The following PIK3R5 variants were observed in gnomAD, a reference collection of about 807,000 sequenced individuals.
PIK3R5 encodes the protein phosphoinositide-3-kinase regulatory subunit 5, also known as phosphoinositide 3-kinase regulatory subunit 5.
In PIK3R5, 32 loss-of-function variants were observed where a neutral mutation model predicts 94.9. The ratio of observed to expected loss-of-function variants is 0.34; its 90% CI spans 0.25 to 0.45. PIK3R5 has a LOEUF of 0.45. PIK3R5 is among the 20% of genes least tolerant of loss of function. PIK3R5 has a pLI of 1.00. For synonymous variants in PIK3R5, 443 were observed against 479.4 expected, an observed-to-expected ratio of 0.92 and a Z score of 0.99; for missense variants, 853 against 1,144.6, an observed-to-expected ratio of 0.75 and a Z score of 3.68.
chr17:8,965,452 G>C (rs1415383601), intron 1 of PIK3R5, 144 bp downstream of exon 1: 2 of 152,510 alleles, frequency 1.3e-5, no homozygotes, highest in African/African-American at 4.8e-5. Context: ...CACGGGGCCG[G>C]AAGATAGCAG....
At chr17:8,919,676 C>T (rs959335696) in intron 1 of PIK3R5, among the ~76,000 whole-genome samples, 5 of 152,194 alleles carry the variant, frequency 3.3e-5, no homozygotes, top group African/African-American at 1.2e-4. Context: ...GTGTTGGTGT[C>T]ACCTAAAAGG....
Position 8,893,086 on chromosome 17 carries a change from T to TGTGTGTGTG in PIK3R5, c.482+499_482+500insCACACACAC, listed in dbSNP as rs1567639751. 3.8e-5 allele frequency among the ~76,000 whole-genome samples: 3 copies of TGTGTGTGTG among 78,970 alleles called. No homozygotes were observed. The highest frequency in any genetic ancestry group is 2.4e-4 in the African/African-American group (3 of 12,472). The allele number at this position is 78,970 out of a possible 152,430, so 51.8% of individuals were successfully genotyped here. A position where few individuals can be genotyped will look rare whatever the true frequency, so the allele number is the denominator to read the frequency against. On this transcript the variant is annotated intron_variant, in intron 6 of 18. Coordinates refer to ENST00000447110, the MANE Select transcript of PIK3R5 (RefSeq NM_001142633.3). This position sits in a 1 kb window ranked among gnomAD's most constrained non-coding sequence, Gnocchi z 5.1. The stretch of plus-strand genomic sequence containing the variant: ...TGTGTGTGTGTGTGTGTGTGTGTGT[T>TGTGTGTGTG]TGTGTATCAGGCTGTCATATAAAAT...
chr17:8,880,722 G>A lies in PIK3R5; in HGVS notation c.2560C>T (p.Pro854Ser). ...GGTGCGGCCTGGGCCGGCAGGTCAG[G>A]AGGCGTCTGGGGTGGTGAGGAGAGG... ...SDLSSPPQTPPDLPAQAAPDL... is the reference protein window; with the variant it reads ...SDLSSPPQTPSDLPAQAAPDL... The change falls in exon 19 of 19, where the codon CCT becomes TCT. Residue 854 changes from proline (P) to serine (S), a missense_variant. By Grantham distance (74) the Pro-to-Ser change is moderately conservative. Transcript: ENST00000447110. 4.3e-6 allele frequency: 7 copies of A among 1,613,958 alleles called. No individual in the cohort carries two copies. The highest frequency in any genetic ancestry group is 5.9e-6 in the Non-Finnish European group (7 of 1,179,912).
chr17:8,930,646 C>T (rs1481579199), intron 1 of PIK3R5, among the ~76,000 whole-genome samples: 8 of 152,154 alleles, frequency 5.3e-5, no homozygotes, highest in African/African-American at 1.7e-4. Context: ...GAATATGGTT[C>T]GACAGACTAT....
intron 1 of PIK3R5, among the ~76,000 whole-genome samples, chr17:8,926,501 G>A (rs566370989): frequency 1.3e-5 from 2 of 152,184 alleles, no homozygotes; most frequent in East Asian, 1.9e-4. Context: ...AGTTCCACAC[G>A]GCTAGGGAGG....
Position 8,892,680 on chromosome 17 carries a change from T to C in PIK3R5, c.482+906A>G, listed in dbSNP as rs983975599. Among the ~76,000 whole-genome samples the C allele has an allele frequency of 5.9e-5, 9 of 152,210 alleles. No homozygotes were observed. Among genetic ancestry groups the C allele is most frequent in the Non-Finnish European group, 1.3e-4 (9 of 68,042 alleles). ...AACATTTTAGCATCCTTTCCCTCTG[T>C]CTCAACATCTATCATTTTGTTTGTG... On this transcript the variant is annotated intron_variant, in intron 6 of 18. Transcript: ENST00000447110. This position sits in a 1 kb window ranked among gnomAD's most constrained non-coding sequence, Gnocchi z 4.3.
At chr17:8,902,400 G>A (rs1597389316) in intron 5 of PIK3R5, among the ~76,000 whole-genome samples, 1 of 151,700 alleles carries the variant, frequency 6.6e-6, no homozygotes, top group East Asian at 1.9e-4. Context: ...GACTACAGGT[G>A]TATGCCACCA....
Position 8,942,395 on chromosome 17 carries a change from C to T in PIK3R5, c.-14+23201G>A, listed in dbSNP as rs114082581. On this transcript the variant is annotated intron_variant, in intron 1 of 18. Transcript: ENST00000447110. ...ACCCATAGTCGGAGCCTCCTTGCAGCTCCTGCCCCCACTGCTGCCTCACCC... is the reference window on the plus strand; with the variant it reads ...ACCCATAGTCGGAGCCTCCTTGCAGTTCCTGCCCCCACTGCTGCCTCACCC... Among the ~76,000 whole-genome samples the T allele has an allele frequency of 1.8e-3, 281 of 152,176 alleles. 1 individual carries two copies. Among genetic ancestry groups the T allele is most frequent in the African/African-American group, 6.5e-3 (270 of 41,504 alleles).
chr17:8,893,709 C>T lies in PIK3R5; in HGVS notation c.413-54G>A. 7.3e-7 allele frequency: 1 copy of T among 1,378,764 alleles called. No homozygotes were observed. The allele number at this position is 1,378,764 out of a possible 1,614,324, so 85.4% of individuals were successfully genotyped here. A position where few individuals can be genotyped will look rare whatever the true frequency, so the allele number is the denominator to read the frequency against. On this transcript the variant is annotated intron_variant, in intron 5 of 18. Coordinates refer to ENST00000447110, the MANE Select transcript of PIK3R5 (RefSeq NM_001142633.3). The surrounding 1 kb of genome is among the most constrained non-coding windows in gnomAD (Gnocchi z 5.1). ...GGCTGATCAGTTCCTTCAGCATCGTCCGTGTGCCTCGTGGGGAGCCAAGCA... is the reference window on the plus strand; with the variant it reads ...GGCTGATCAGTTCCTTCAGCATCGTTCGTGTGCCTCGTGGGGAGCCAAGCA...
chr17:8,961,758 C>T (rs1278530518), intron 1 of PIK3R5, among the ~76,000 whole-genome samples: 1 of 152,174 alleles, frequency 6.6e-6, no homozygotes, highest in Non-Finnish European at 1.5e-5. Context: ...ATGCCGAACT[C>T]TAGGGCCCAA....
intron 5 of PIK3R5, among the ~76,000 whole-genome samples, chr17:8,898,926 A>G (rs2090214580): frequency 6.6e-6 from 1 of 152,198 alleles, no homozygotes; most frequent in Non-Finnish European, 1.5e-5. Flanking sequence ...GAAGAATATG[A>G]CTTTTCCTTC....
At position 8,888,931 on chromosome 17, in the gene PIK3R5, C is replaced by A. The variant is rs750615833; in HGVS notation, c.896-40G>T. The A allele has an allele frequency of 1.3e-6, 2 of 1,560,762 alleles. No homozygotes were observed. Among genetic ancestry groups the A allele is most frequent in the Non-Finnish European group, 1.7e-6 (2 of 1,157,864 alleles). ...GGCCAGCACTGTCTGGGCGTCTGGG[C>A]CCCGGATCCCCTTCTATATTCCCTT... On this transcript the variant is annotated intron_variant, in intron 9 of 18. Transcript: ENST00000447110. The surrounding 1 kb of genome is among the most constrained non-coding windows in gnomAD (Gnocchi z 7.8).
chr17:8,886,634 C>A, intron 12 of PIK3R5, 29 bp from the exon 13 acceptor site: 4 of 1,551,234 alleles, frequency 2.6e-6, no homozygotes, highest in South Asian at 1.2e-5. Flanking sequence ...GGCAGCCAAG[C>A]CAGATGGGTG....
intron 1 of PIK3R5, among the ~76,000 whole-genome samples, chr17:8,940,254 C>A (rs1175084278): frequency 6.6e-6 from 1 of 152,246 alleles, no homozygotes; most frequent in Non-Finnish European, 1.5e-5. Flanking sequence ...TCTCACCTCA[C>A]TGGGGCCTGT....
Position 8,892,058 on chromosome 17 carries a change from G to A in PIK3R5, c.483-1146C>T, listed in dbSNP as rs537338387. 6.6e-6 allele frequency among the ~76,000 whole-genome samples: 1 copy of A among 152,234 alleles called. No individual in the cohort carries two copies. The highest frequency in any genetic ancestry group is 1.9e-4 in the East Asian group (1 of 5,166). On this transcript the variant is annotated intron_variant, in intron 6 of 18. Coordinates refer to ENST00000447110, the MANE Select transcript of PIK3R5 (RefSeq NM_001142633.3). This position sits in a 1 kb window ranked among gnomAD's most constrained non-coding sequence, Gnocchi z 4.3. ...GACCTCGAAGCAAATTCGAGCCATG[G>A]CGGCTTTGTATCCATAAATGCTTTA...
intron 1 of PIK3R5, among the ~76,000 whole-genome samples, chr17:8,944,780 C>T (rs1249012559): frequency 6.6e-6 from 1 of 152,170 alleles, no homozygotes; most frequent in Non-Finnish European, 1.5e-5. Flanking sequence ...TTCTCAAGTG[C>T]AATTCTTGGG....
At chr17:8,895,005 G>A (rs756008536) in intron 5 of PIK3R5, among the ~76,000 whole-genome samples, 7 of 152,154 alleles carry the variant, frequency 4.6e-5, no homozygotes, top group Admixed American at 1.3e-4. Context: ...TTGATTTTTG[G>A]CCTTTTGCGT....
chr17:8,956,402 A>C (rs960086868), intron 1 of PIK3R5, among the ~76,000 whole-genome samples: 2 of 152,166 alleles, frequency 1.3e-5, no homozygotes, highest in Non-Finnish European at 2.9e-5. Context: ...GGGAAGGAGC[A>C]GGTCCCCTCT....
chr17:8,964,725 G>C lies in PIK3R5; in HGVS notation c.-14+871C>G, dbSNP rs2091634046. 2.0e-5 allele frequency among the ~76,000 whole-genome samples: 3 copies of C among 152,214 alleles called. No homozygotes were observed. In the South Asian group the frequency reaches 6.2e-4, roughly 32 times the overall value. ...TTACAGGTGGTCCTGAGGGCAGGAA[G>C]GAAAGTGTGGGGTGGATGAGAAGAC... On this transcript the variant is annotated intron_variant, in intron 1 of 18. Transcript: ENST00000447110.
Sources: gnomAD v4.1 joint callset for allele counts (sites outside exome capture counted in the v4.1 genomes callset) on GRCh38, gnomAD v4.1.1 for gene constraint, Gnocchi (gnomAD v3.1) non-coding constraint, MANE v1.5 for transcripts, NCBI Gene and HGNC (gene_info 2026-07-23, HGNC 2026-07-21) for gene names.